PXDNL: variants seen among roughly 807,000 people sequenced by gnomAD.
PXDNL encodes the protein peroxidasin like, also known as probable oxidoreductase PXDNL.
PXDNL carries 145 observed loss-of-function variants against 150.8 expected under a neutral mutation model. The observed-to-expected ratio is 0.96, with a 90% CI of 0.84 to 1.10. The LOEUF is 1.10. Among genes scored for constraint, PXDNL ranks in the 50% least tolerant of loss-of-function variants. The probability of loss-of-function intolerance (pLI) is 0.00; values close to 1 mark genes in which losing one functional copy is unlikely to be tolerated. For missense variants in PXDNL, 2,087 were observed against 1,873.9 expected (o/e 1.11, Z -2.10); for synonymous variants, 757 against 725.7 (o/e 1.04, Z -0.69).
Position 51,664,752 on chromosome 8 carries a change from G to A in PXDNL, c.165-9992C>T, listed in dbSNP as rs528716500. Among the ~76,000 whole-genome samples the A allele has an allele frequency of 3.9e-5, 6 of 152,142 alleles. No homozygotes were observed. In the East Asian group the frequency reaches 9.7e-4, roughly 25 times the overall value. ...CTGGGACTTGGCAGGAGTGAGATGC[G>A]CTCCCAGGTGCCCTGCGGTCCCACT... On this transcript the variant is annotated intron_variant, in intron 1 of 22. Coordinates refer to ENST00000356297, the MANE Select transcript of PXDNL (RefSeq NM_144651.5).
intron 17 of PXDNL, among the ~76,000 whole-genome samples, chr8:51,378,641 A>C (rs1023870273): frequency 9.2e-5 from 14 of 152,186 alleles, no homozygotes; most frequent in Non-Finnish European, 1.9e-4. Context: ...TTGGGTGTGC[A>C]CTGGCTTTAT....
At chr8:51,535,558 G>A (rs1464048979) in intron 4 of PXDNL, among the ~76,000 whole-genome samples, 8 of 128,650 alleles carry the variant, frequency 6.2e-5, no homozygotes, top group Non-Finnish European at 1.1e-4. Flanking sequence ...CTAATCTTAA[G>A]TACCCAGGGA....
chr8:51,516,080 G>A (rs1250921997), intron 4 of PXDNL, among the ~76,000 whole-genome samples: 2 of 152,100 alleles, frequency 1.3e-5, no homozygotes, highest in South Asian at 2.1e-4. Flanking sequence ...AGCTTTGGGT[G>A]GATTTTTTTC....
Position 51,472,211 on chromosome 8 carries a change from G to A in PXDNL, c.788C>T (p.Pro263Leu). 6.2e-7 allele frequency: 1 copy of A among 1,612,746 alleles called. No individual in the cohort carries two copies. The highest frequency in any genetic ancestry group is 1.1e-5 in the South Asian group (1 of 91,042). Residue 263 changes from proline to leucine, a missense_variant, in exon 8 of 23, where the codon CCT (proline) becomes CTT (leucine). Physicochemically the swap from Pro to Leu is moderately conservative, Grantham distance 98 (BLOSUM62 -3). Coordinates refer to ENST00000356297, the MANE Select transcript of PXDNL (RefSeq NM_144651.5). ...CTTGTTGTGTATCCAAATAATCTCA[G>A]GTTTGGGGTTTCCTTCCGCCCGGCA... ...FTCRAEGNPK[P>L]EIIWIHNNHS... is the part of the protein sequence containing the mutation.
At chr8:51,327,520 T>C (rs144457846) in intron 21 of PXDNL, among the ~76,000 whole-genome samples, 153 of 152,340 alleles carry the variant, frequency 1.0e-3, no homozygotes, top group African/African-American at 3.4e-3. Context: ...GAATTGTAAC[T>C]ACATAAGCTT....
intron 1 of PXDNL, among the ~76,000 whole-genome samples, chr8:51,744,928 A>AAAAGAAAGAAAG (rs1193132745): frequency 3.6e-4 from 32 of 88,334 alleles, no homozygotes; most frequent in African/African-American, 1.4e-3. Flanking sequence ...GAAAGAAAGA[A>AAAAGAAAGAAAG]AAAGAAAGAA....
At chr8:51,513,525 C>T (rs1485852212) in intron 4 of PXDNL, among the ~76,000 whole-genome samples, 1 of 152,276 alleles carries the variant, frequency 6.6e-6, no homozygotes, top group South Asian at 2.1e-4. Flanking sequence ...ATTACTACAA[C>T]AACAGAAACT....
intron 5 of PXDNL, among the ~76,000 whole-genome samples, chr8:51,485,507 C>T (rs1461947229): frequency 1.3e-5 from 2 of 152,146 alleles, no homozygotes; most frequent in Non-Finnish European, 2.9e-5. Flanking sequence ...CCAGTACCTC[C>T]CACCCCTTGA....
intron 14 of PXDNL, among the ~76,000 whole-genome samples, chr8:51,414,700 A>T (rs2129653530): frequency 6.6e-6 from 1 of 152,298 alleles, no homozygotes; most frequent in South Asian, 2.1e-4. Context: ...CATGAACAAA[A>T]TAACTAATAA....
At chr8:51,444,345 G>C (rs1293442821) in intron 12 of PXDNL, among the ~76,000 whole-genome samples, 1 of 151,912 alleles carries the variant, frequency 6.6e-6, no homozygotes, top group Non-Finnish European at 1.5e-5. Context: ...CCCCCTCAAG[G>C]GTCTCTGGAT....
At chr8:51,431,545 C>T (rs1029034075) in intron 12 of PXDNL, among the ~76,000 whole-genome samples, 6 of 152,084 alleles carry the variant, frequency 3.9e-5, no homozygotes, top group Non-Finnish European at 8.8e-5. Context: ...ACATTTGATT[C>T]TCTCCTTCTG....
chr8:51,518,725 G>A (rs1326701967), intron 4 of PXDNL, among the ~76,000 whole-genome samples: 1 of 152,192 alleles, frequency 6.6e-6, no homozygotes, highest in African/African-American at 2.4e-5. Flanking sequence ...GAGAGGGAGA[G>A]AATCTGATTT....
chr8:51,807,813 G>A (rs1318393262), intron 1 of PXDNL, among the ~76,000 whole-genome samples: 1 of 152,172 alleles, frequency 6.6e-6, no homozygotes, highest in Admixed American at 6.5e-5. Flanking sequence ...ACCTCATGTA[G>A]CTCCAAGATA....
chr8:51,583,873 C>T (rs1047155935), intron 3 of PXDNL, among the ~76,000 whole-genome samples: 3 of 152,044 alleles, frequency 2.0e-5, no homozygotes, highest in African/African-American at 4.8e-5. Context: ...TAAAGTAATG[C>T]TACCTAATTT....
intron 2 of PXDNL, among the ~76,000 whole-genome samples, chr8:51,638,265 A>G (rs549364223): frequency 2.5e-4 from 38 of 152,330 alleles, no homozygotes; most frequent in South Asian, 6.2e-4. Context: ...TGTAAAGACC[A>G]TCGAGGCTAG....
At chr8:51,696,725 C>CA (rs1554568066) in intron 1 of PXDNL, among the ~76,000 whole-genome samples, 6 of 125,018 alleles carry the variant, frequency 4.8e-5, no homozygotes, top group African/African-American at 9.5e-5. Flanking sequence ...TCACACACAT[C>CA]CACACACAGG....
intron 4 of PXDNL, among the ~76,000 whole-genome samples, chr8:51,535,714 TA>T (rs148051245): frequency 0.033 from 4,451 of 136,292 alleles, 307 homozygotes; most frequent in African/African-American, 0.13. Flanking sequence ...GAATGATCAA[TA>T]AAAAAATAAA....
intron 17 of PXDNL, among the ~76,000 whole-genome samples, chr8:51,382,003 A>G (rs1349213341): frequency 6.6e-6 from 1 of 152,180 alleles, no homozygotes; most frequent in African/African-American, 2.4e-5. Context: ...CAGGTTTGTT[A>G]CATATGTATA....
intron 2 of PXDNL, among the ~76,000 whole-genome samples, chr8:51,622,203 AAGGAAGC>A (rs1368096329): frequency 6.6e-6 from 1 of 152,102 alleles, no homozygotes; most frequent in Non-Finnish European, 1.5e-5. Flanking sequence ...ACTGGCCGGC[AAGGAAGC>A]AGGAATCTCA....
Sources: allele counts gnomAD v4.1 joint callset (sites outside exome capture counted in the v4.1 genomes callset), GRCh38; gene constraint gnomAD v4.1.1; transcripts MANE v1.5; gene names NCBI Gene and HGNC (gene_info 2026-07-23, HGNC 2026-07-21).